Variants in TBC1D1 observed in about 807,000 individuals in gnomAD.
TBC1D1 encodes TBC1 (tre-2/USP6, BUB2, cdc16) domain family, member 1.
TBC1D1 carries 89 observed loss-of-function variants against 125.6 expected under a neutral mutation model. The ratio of observed to expected loss-of-function variants is 0.71; its 90% CI spans 0.60 to 0.85. TBC1D1 has a LOEUF of 0.85. TBC1D1 is among the 40% of genes least tolerant of loss of function. The pLI is 0.00. For missense variants in TBC1D1, 1,377 were observed against 1,469.2 expected, an observed-to-expected ratio of 0.94 and a Z score of 1.03; for synonymous variants, 565 against 564.1, an observed-to-expected ratio of 1.00 and a Z score of -0.02.
At chr4:37,897,957 C>CT (rs1355961872) in intron 1 of TBC1D1, among the ~76,000 whole-genome samples, 2 of 152,154 alleles carry the variant, frequency 1.3e-5, no homozygotes, top group African/African-American at 4.8e-5. Context: ...CAGTCAGGGA[C>CT]TTTACTTTCA....
intron 6 of TBC1D1, among the ~76,000 whole-genome samples, chr4:38,026,052 G>A (rs952970125): frequency 1.3e-5 from 2 of 149,146 alleles, no homozygotes; most frequent in Non-Finnish European, 3.0e-5. Context: ...ATGTGCCTCA[G>A]TTTCTTCAGG....
At chr4:38,021,523 TCTC>T (rs1292980507) in intron 5 of TBC1D1, 60 bp from the exon 6 acceptor site, 9 of 1,408,496 alleles carry the variant, frequency 6.4e-6, no homozygotes, top group Non-Finnish European at 7.5e-6. Context: ...TTTTCTGACA[TCTC>T]AGCCCAGCTA....
At chr4:37,929,107 C>T (rs942153392) in intron 2 of TBC1D1, among the ~76,000 whole-genome samples, 1 of 152,192 alleles carries the variant, frequency 6.6e-6, no homozygotes, top group Non-Finnish European at 1.5e-5. Flanking sequence ...ATTTAGTAAT[C>T]TTCTTAATCT....
At chr4:37,956,374 C>T (rs1728935075) in intron 2 of TBC1D1, among the ~76,000 whole-genome samples, 1 of 152,120 alleles carries the variant, frequency 6.6e-6, no homozygotes, top group African/African-American at 2.4e-5. Context: ...CGTTGTCTGA[C>T]TCTCTTTTCA....
At position 38,103,081 on chromosome 4, in the gene TBC1D1, G is replaced by C; in HGVS notation, c.2481G>C (p.Gln827His). 1 of 1,614,128 alleles carries C rather than the reference G, an allele frequency of 6.2e-7. No individual in the cohort carries two copies. The highest frequency in any genetic ancestry group is 8.5e-7 in the Non-Finnish European group (1 of 1,180,020). ...TTAAACACCAGTTTCCCAGCAAACA[G>C]CAGCCAAAGGATGTGCCATACAAAG... is the stretch of plus-strand genomic sequence containing the variant. The change falls in exon 15 of 20, where the codon CAG (glutamine) becomes CAC (histidine). Residue 827 changes from glutamine to histidine, a missense_variant. Around this residue, in one of 3 missense-constraint regions of TBC1D1, gnomAD observed 543 missense variants for 613.5 expected, o/e 0.89. Transcript: ENST00000261439.
intron 2 of TBC1D1, chr4:37,996,021 G>A: frequency 1.9e-6 from 1 of 518,792 alleles, no homozygotes. Context: ...GATGTCCAGT[G>A]GGGCCCGGAG....
chr4:37,971,503 T>C (rs1732013896), intron 2 of TBC1D1, among the ~76,000 whole-genome samples: 1 of 152,016 alleles, frequency 6.6e-6, no homozygotes, highest in Admixed American at 6.6e-5. Flanking sequence ...ATGAGGGAAA[T>C]CACCCCCATG....
intron 17 of TBC1D1, among the ~76,000 whole-genome samples, chr4:38,123,523 C>T (rs1430128436): frequency 1.3e-5 from 2 of 152,078 alleles, no homozygotes; most frequent in Admixed American, 6.5e-5. Flanking sequence ...TAACACTTAC[C>T]CTGAAAAGCT....
chr4:37,907,951 A>T (rs1209887965), intron 2 of TBC1D1, among the ~76,000 whole-genome samples: 1 of 152,174 alleles, frequency 6.6e-6, no homozygotes, highest in Non-Finnish European at 1.5e-5. Context: ...TTATCCACGG[A>T]GGAAAAAGCT....
chr4:37,968,691 C>T (rs778705213), intron 2 of TBC1D1, among the ~76,000 whole-genome samples: 13 of 152,162 alleles, frequency 8.5e-5, no homozygotes, highest in Non-Finnish European at 1.2e-4. Flanking sequence ...TCAAATACTC[C>T]GTCTTGTCAC....
chr4:37,986,066 A>T (rs752794659), intron 2 of TBC1D1, among the ~76,000 whole-genome samples: 3 of 152,230 alleles, frequency 2.0e-5, no homozygotes, highest in Non-Finnish European at 4.4e-5. Context: ...GTATAAATAA[A>T]TTACTCAGAC....
At position 37,912,622 on chromosome 4, in the gene TBC1D1, G is replaced by T. The variant is rs146502230; in HGVS notation, c.417+10110G>T. 6.4e-3 allele frequency among the ~76,000 whole-genome samples: 972 copies of T among 152,308 alleles called. 9 individuals are homozygous for T. The highest frequency in any genetic ancestry group is 0.022 in the African/African-American group (927 of 41,558). On this transcript the variant is annotated intron_variant, in intron 2 of 19. Coordinates refer to ENST00000261439, the MANE Select transcript of TBC1D1 (RefSeq NM_015173.4). ...CAATGTAATAGTATTAAGAGGTGGG[G>T]TCTTTAAGAGATGATTAGGTCATGT...
At chr4:37,948,990 A>C (rs767011014) in intron 2 of TBC1D1, among the ~76,000 whole-genome samples, 1 of 152,198 alleles carries the variant, frequency 6.6e-6, no homozygotes, top group Non-Finnish European at 1.5e-5. Flanking sequence ...TATTGTATGG[A>C]TATACCGCAT....
At chr4:37,934,643 G>T (rs1724001227) in intron 2 of TBC1D1, among the ~76,000 whole-genome samples, 1 of 152,160 alleles carries the variant, frequency 6.6e-6, no homozygotes, top group African/African-American at 2.4e-5. Flanking sequence ...ACCTGAATTG[G>T]CCAGCAGAGA....
intron 12 of TBC1D1, among the ~76,000 whole-genome samples, chr4:38,088,905 A>G (rs1444557242): frequency 2.0e-5 from 3 of 152,288 alleles, no homozygotes; most frequent in South Asian, 2.1e-4. Flanking sequence ...CTTTCATAAT[A>G]TGTATCAAAT....
intron 14 of TBC1D1, among the ~76,000 whole-genome samples, chr4:38,099,105 C>T (rs1339166557): frequency 6.6e-6 from 1 of 152,186 alleles, no homozygotes; most frequent in Admixed American, 6.5e-5. Flanking sequence ...GATGCAAACT[C>T]TGCTTGCCTT....
intron 2 of TBC1D1, chr4:38,006,679 CCA>C: frequency 3.7e-6 from 1 of 268,828 alleles, no homozygotes; most frequent in Non-Finnish European, 7.3e-6. Flanking sequence ...TGGGGTTTCA[CCA>C]TGTTAGCCAG....
At position 38,014,683 on chromosome 4, in the gene TBC1D1, G is replaced by C; in HGVS notation, c.592G>C (p.Glu198Gln). Residue 198 changes from glutamate (E) to glutamine (Q), a missense_variant, in exon 3 of 20, where the codon GAG (glutamate) becomes CAG (glutamine). Physicochemically the swap from Glu to Gln is conservative, Grantham distance 29. Around this residue, in one of 3 missense-constraint regions of TBC1D1, gnomAD observed 822 missense variants for 824.6 expected, o/e 1.00. Coordinates refer to ENST00000261439, the MANE Select transcript of TBC1D1 (RefSeq NM_015173.4). The surrounding 1 kb of genome is among the most constrained non-coding windows in gnomAD (Gnocchi z 5.1). ...GCCGGCCCTGATCGACGAGTGCATC[G>C]AGAAGTTCAATCACGTCAGCGGCAG... 1.2e-6 allele frequency: 2 copies of C among 1,613,130 alleles called. No homozygotes were observed. Among genetic ancestry groups the C allele is most frequent in the Non-Finnish European group, 1.7e-6 (2 of 1,180,020 alleles).
At position 38,118,104 on chromosome 4, in the gene TBC1D1, C is replaced by T. The variant is rs781094713; in HGVS notation, c.2874C>T (p.His958=). The T allele has an allele frequency of 3.7e-6, 6 of 1,614,166 alleles. No individual in the cohort carries two copies. Among genetic ancestry groups the T allele is most frequent in the African/African-American group, 1.3e-5 (1 of 75,054 alleles). Residue 958 remains histidine (H), a synonymous_variant, in exon 17 of 20, where the codon CAC becomes CAT. Coordinates refer to ENST00000261439, the MANE Select transcript of TBC1D1 (RefSeq NM_015173.4). ...ACCTCTACAATCACCTGGAGGAGCA[C>T]GAGATCGGCCCCAGCCTCTACGCTG...
Sources: allele counts gnomAD v4.1 joint callset (sites outside exome capture counted in the v4.1 genomes callset), GRCh38; gene constraint gnomAD v4.1.1; regional missense constraint gnomAD v4.1.1; non-coding constraint Gnocchi (gnomAD v3.1); transcripts MANE v1.5; gene names NCBI Gene and HGNC (gene_info 2026-07-23, HGNC 2026-07-21).